Variants in KLHL15 observed in about 807,000 individuals in gnomAD.
The protein encoded by KLHL15 is kelch-like protein 15.
KLHL15 carries 1 observed loss-of-function variant against 29.3 expected under a neutral mutation model. The ratio of observed to expected loss-of-function variants is 0.03; its 90% CI spans 0.01 to 0.16. KLHL15 has a LOEUF of 0.16. KLHL15 is among the 10% of genes least tolerant of loss of function. The pLI, the probability that KLHL15 is intolerant of heterozygous loss-of-function variation, is 1.00. For missense variants in KLHL15, 215 were observed against 478.5 expected (o/e 0.45, Z 5.14); for synonymous variants, 212 against 184.5 (o/e 1.15, Z -1.21).
In KLHL15 at chrX:23,986,714, T is replaced by C. The variant is rs973719790; in HGVS notation, c.*1207A>G. The C allele has an allele frequency of 8.9e-6, 1 of 112,245 alleles. No homozygotes were observed. The highest frequency in any genetic ancestry group is 3.2e-5 in the African/African-American group (1 of 30,924). The allele number at this position is 112,245 out of a possible 1,213,427, so 9.3% of individuals were successfully genotyped here. On this transcript the variant is annotated 3_prime_UTR_variant, in exon 4 of 4. Coordinates refer to ENST00000328046, the MANE Select transcript of KLHL15 (RefSeq NM_030624.3). ...GGGTATTTTGTACAAAATAAACAAGTAGATAAAACCAGTAACATTATAATT... is the reference window on the plus strand; with the variant it reads ...GGGTATTTTGTACAAAATAAACAAGCAGATAAAACCAGTAACATTATAATT...
intron 2 of KLHL15, among the ~76,000 whole-genome samples, chrX:24,012,733 A>C (rs893260754): frequency 9.0e-6 from 1 of 111,182 alleles, no homozygotes; most frequent in African/African-American, 3.3e-5. Flanking sequence ...CAACATGTCT[A>C]AACAACCAGT....
At chrX:23,990,886 T>G (rs1271312510) in intron 3 of KLHL15, among the ~76,000 whole-genome samples, 1 of 111,159 alleles carries the variant, frequency 9.0e-6, no homozygotes, top group Non-Finnish European at 1.9e-5. Flanking sequence ...CGTCACAAAT[T>G]TAAGTATTTT....
chrX:24,026,790 T>A (rs976684439), intron 1 of KLHL15, among the ~76,000 whole-genome samples: 1 of 112,016 alleles, frequency 8.9e-6, no homozygotes, highest in African/African-American at 3.2e-5. Flanking sequence ...CGCTTCCTTA[T>A]TCCGATTTAA....
At chrX:24,023,097 A>G (rs1444302567) in intron 2 of KLHL15, among the ~76,000 whole-genome samples, 1 of 111,686 alleles carries the variant, frequency 9.0e-6, no homozygotes, top group Non-Finnish European at 1.9e-5. Flanking sequence ...AAAAATTTAA[A>G]TTAGCATGAA....
At chrX:24,027,067 C>T (rs747406834) in intron 1 of KLHL15, 73 bp downstream of exon 1, 1 of 112,479 alleles carries the variant, frequency 8.9e-6, no homozygotes, top group East Asian at 2.8e-4. Flanking sequence ...TATTCCCGAA[C>T]ATCTAAACGC....
rs991171166 is a variant in KLHL15, at chrX:23,985,859, C to G, written c.*2062G>C. The G allele has an allele frequency of 9.0e-6, 1 of 111,662 alleles. No homozygotes were observed. The highest frequency in any genetic ancestry group is 3.3e-5 in the African/African-American group (1 of 30,762). The allele number at this position is 111,662 out of a possible 1,213,427, so 9.2% of individuals were successfully genotyped here. The stretch of plus-strand genomic sequence containing the variant: ...ATTTTCTTTAAAGCAAAATAGCACA[C>G]ATACAAAGCCACTAAACTAATGTAG... On this transcript the variant is annotated 3_prime_UTR_variant, in exon 4 of 4. Coordinates refer to ENST00000328046, the MANE Select transcript of KLHL15 (RefSeq NM_030624.3).
At chrX:23,996,178 CTATTAAAGAGGT>C (rs1392557971) in intron 3 of KLHL15, among the ~76,000 whole-genome samples, 1 of 112,135 alleles carries the variant, frequency 8.9e-6, no homozygotes, top group Non-Finnish European at 1.9e-5. Flanking sequence ...GTGCCTGGCC[CTATTAAAGAGGT>C]TACCTGTGTG....
intron 2 of KLHL15, among the ~76,000 whole-genome samples, chrX:24,021,826 TA>T (rs767263350): frequency 0.019 from 1,749 of 94,004 alleles, 29 homozygotes; most frequent in African/African-American, 0.058. Context: ...TTCTCTTCAA[TA>T]AAAAAAAAAA....
intron 3 of KLHL15, among the ~76,000 whole-genome samples, 170 bp downstream of exon 3, chrX:24,005,819 A>G (rs756518613): frequency 3.6e-5 from 4 of 112,076 alleles, no homozygotes; most frequent in Non-Finnish European, 7.5e-5. Flanking sequence ...ACAACAAATC[A>G]GGCTTCTTAT....
rs1929014594 is a variant in KLHL15, at chrX:23,987,931, C to T, written c.1805G>A (p.Arg602His). Residue 602 changes from arginine (R) to histidine (H), a missense_variant, in exon 4 of 4, where the codon CGT becomes CAT. Coordinates refer to ENST00000328046, the MANE Select transcript of KLHL15 (RefSeq NM_030624.3). ...GGGAGGAGGATGTCATTAGTTGCAA[C>T]GCCTGACCTCATCCAGTACATAGTC... ...FPDYVLDEVR[R>H]CN 1 of 1,201,585 alleles carries T rather than the reference C, an allele frequency of 8.3e-7. No individual in the cohort carries two copies. Among genetic ancestry groups the T allele is most frequent in the East Asian group, 3.0e-5 (1 of 33,707 alleles).
At chrX:23,999,457 C>T (rs1321374718) in intron 3 of KLHL15, among the ~76,000 whole-genome samples, 2 of 108,692 alleles carry the variant, frequency 1.8e-5, no homozygotes, top group African/African-American at 3.3e-5. Flanking sequence ...TAGCCGGGCG[C>T]GGTGGCGGGC....
chrX:24,023,982 T>C (rs1442975673), intron 2 of KLHL15, among the ~76,000 whole-genome samples: 1 of 112,156 alleles, frequency 8.9e-6, no homozygotes, highest in African/African-American at 3.2e-5. Flanking sequence ...CAAAGCATTT[T>C]CTAAATTACC....
chrX:24,017,779 CAAAAAA>C (rs531099917), intron 2 of KLHL15, among the ~76,000 whole-genome samples: 3 of 42,495 alleles, frequency 7.1e-5, no homozygotes, highest in African/African-American at 2.6e-4. Flanking sequence ...GACCATGTCC[CAAAAAA>C]AAAAAAAAAA....
chrX:24,011,167 C>CAAAAAAA (rs200250064), intron 2 of KLHL15, among the ~76,000 whole-genome samples: 9 of 53,858 alleles, frequency 1.7e-4, no homozygotes, highest in South Asian at 7.4e-4. Context: ...AAAGTCATCT[C>CAAAAAAA]AAAAAAAAAA....
At chrX:24,010,153 C>T (rs765753999) in intron 2 of KLHL15, among the ~76,000 whole-genome samples, 4 of 111,186 alleles carry the variant, frequency 3.6e-5, no homozygotes, top group Non-Finnish European at 7.5e-5. Context: ...CTACTCCCAC[C>T]CCACTTGGAC....
chrX:23,984,792 C>A lies in KLHL15; in HGVS notation c.*3129G>T, dbSNP rs1055548052. On this transcript the variant is annotated 3_prime_UTR_variant, in exon 4 of 4. Coordinates refer to ENST00000328046, the MANE Select transcript of KLHL15 (RefSeq NM_030624.3). Reference sequence around the variant, plus strand: ...ACTCCATTTTTACCACTTCTCCCCACATAAAGCGTGTGTCCTTTACTATGA... The same window carrying A: ...ACTCCATTTTTACCACTTCTCCCCAAATAAAGCGTGTGTCCTTTACTATGA... 3.6e-5 allele frequency: 4 copies of A among 112,051 alleles called. No homozygotes were observed. Among genetic ancestry groups the A allele is most frequent in the Non-Finnish European group, 7.5e-5 (4 of 53,167 alleles). The allele number at this position is 112,051 out of a possible 1,213,427, so 9.2% of individuals were successfully genotyped here. A position where few individuals can be genotyped will look rare whatever the true frequency, so the allele number is the denominator to read the frequency against.
At chrX:24,016,368 A>AAAAAAG (rs1555978285) in intron 2 of KLHL15, among the ~76,000 whole-genome samples, 13 of 76,496 alleles carry the variant, frequency 1.7e-4, no homozygotes, top group African/African-American at 7.0e-4. Context: ...AAAAAAAAAA[A>AAAAAAG]GGGGGGGTAT....
intron 3 of KLHL15, among the ~76,000 whole-genome samples, chrX:23,999,692 A>ACTAT (rs60477615): frequency 0.18 from 19,418 of 110,033 alleles, 1,501 homozygotes; most frequent in South Asian, 0.52. Flanking sequence ...TCCCCAAGAT[A>ACTAT]CTATCTTTCC....
intron 1 of KLHL15, among the ~76,000 whole-genome samples, chrX:24,026,080 C>T (rs2147114632): frequency 8.9e-6 from 1 of 111,978 alleles, no homozygotes; most frequent in East Asian, 2.8e-4. Context: ...TCCATAGCTA[C>T]CTGTTATAAA....
Sources: gnomAD v4.1 joint callset for allele counts (sites outside exome capture counted in the v4.1 genomes callset) on GRCh38, gnomAD v4.1.1 for gene constraint, MANE v1.5 for transcripts, NCBI Gene and HGNC (gene_info 2026-07-23, HGNC 2026-07-21) for gene names.